The following GNA12 variants were observed in gnomAD, a reference collection of about 807,000 sequenced individuals.
GNA12 encodes guanine nucleotide-binding protein subunit alpha-12.
A neutral mutation model predicts 26.0 loss-of-function variants in GNA12; 9 were observed. The ratio of observed to expected loss-of-function variants is 0.35; its 90% CI spans 0.21 to 0.60. The LOEUF (loss-of-function observed/expected upper bound fraction) is 0.60. Among genes scored for constraint, GNA12 ranks in the 20% least tolerant of loss-of-function variants. The pLI is 0.78. For missense variants in GNA12, 405 were observed against 525.8 expected (o/e 0.77, Z 2.25); for synonymous variants, 264 against 219.6 (o/e 1.20, Z -1.79).
At chr7:2,814,152 G>A (rs564711768) in intron 1 of GNA12, among the ~76,000 whole-genome samples, 1 of 152,256 alleles carries the variant, frequency 6.6e-6, no homozygotes, top group East Asian at 1.9e-4. Context: ...TTGCCACACA[G>A]AACATGGGAC....
intron 2 of GNA12, among the ~76,000 whole-genome samples, chr7:2,776,312 A>G (rs1403501002): frequency 6.6e-6 from 1 of 152,226 alleles, no homozygotes; most frequent in African/African-American, 2.4e-5. Flanking sequence ...GCCAGTGCTC[A>G]GAGTGCTATA....
chr7:2,789,634 G>A (rs1174461104), intron 2 of GNA12, among the ~76,000 whole-genome samples: 3 of 152,136 alleles, frequency 2.0e-5, no homozygotes, highest in Non-Finnish European at 4.4e-5. Flanking sequence ...AGACCGGGTG[G>A]CAACATCCCA....
intron 2 of GNA12, among the ~76,000 whole-genome samples, chr7:2,750,318 C>T (rs772275562): frequency 2.0e-5 from 3 of 152,192 alleles, no homozygotes; most frequent in Non-Finnish European, 4.4e-5. Flanking sequence ...TGCAGAGAAT[C>T]GCAGTTTACC....
intron 2 of GNA12, among the ~76,000 whole-genome samples, chr7:2,773,606 G>A (rs917399872): frequency 1.3e-5 from 2 of 152,144 alleles, no homozygotes; most frequent in African/African-American, 4.8e-5. Context: ...ACCTCTACAC[G>A]GCCACCAGAA....
At chr7:2,832,996 T>C (rs1372492412) in intron 1 of GNA12, among the ~76,000 whole-genome samples, 1 of 152,230 alleles carries the variant, frequency 6.6e-6, no homozygotes, top group Non-Finnish European at 1.5e-5. Flanking sequence ...TTTTCCATTC[T>C]GCAAAACCTG....
intron 2 of GNA12, among the ~76,000 whole-genome samples, chr7:2,784,617 CT>C (rs763440444): frequency 1.6e-4 from 24 of 152,206 alleles, no homozygotes; most frequent in Admixed American, 1.2e-3. Context: ...CACTCCCAAC[CT>C]AGCTGACAAA....
chr7:2,780,048 G>A (rs6963626), intron 2 of GNA12, among the ~76,000 whole-genome samples: 1,401 of 84,530 alleles, frequency 0.017, 71 homozygotes, highest in African/African-American at 0.075. Context: ...ACATTTCTGT[G>A]TACATATATA....
chr7:2,790,450 T>C (rs138088990), intron 2 of GNA12, among the ~76,000 whole-genome samples: 30 of 152,324 alleles, frequency 2.0e-4, no homozygotes, highest in Non-Finnish European at 4.0e-4. Flanking sequence ...ATAACAATTA[T>C]TTGCTTGCAT....
At chr7:2,799,705 A>G (rs1286513714) in intron 1 of GNA12, among the ~76,000 whole-genome samples, 1 of 152,246 alleles carries the variant, frequency 6.6e-6, no homozygotes, top group Non-Finnish European at 1.5e-5. Context: ...TGGGCAAGAC[A>G]TGATGAGATA....
At chr7:2,800,815 A>G (rs1206288349) in intron 1 of GNA12, among the ~76,000 whole-genome samples, 1 of 151,930 alleles carries the variant, frequency 6.6e-6, no homozygotes, top group African/African-American at 2.4e-5. Flanking sequence ...TAAACTCTCC[A>G]CTTTCCTTCC....
intron 1 of GNA12, among the ~76,000 whole-genome samples, chr7:2,827,925 T>G (rs900324656): frequency 2.6e-5 from 4 of 151,898 alleles, no homozygotes; most frequent in African/African-American, 9.7e-5. Context: ...TATTTAAAAT[T>G]TTTTTTAATT....
At chr7:2,832,745 C>T (rs1407141640) in intron 1 of GNA12, among the ~76,000 whole-genome samples, 1 of 152,080 alleles carries the variant, frequency 6.6e-6, no homozygotes, top group Non-Finnish European at 1.5e-5. Context: ...AGAGAGGTGC[C>T]GTCTACTTGG....
At chr7:2,835,580 G>A (rs1042773385) in intron 1 of GNA12, 1 of 558,784 alleles carries the variant, frequency 1.8e-6, no homozygotes, top group Non-Finnish European at 3.3e-6. Flanking sequence ...GCGCGCTTGG[G>A]GGCAAAGTCC....
chr7:2,780,046 G>GTATA (rs1338485354), intron 2 of GNA12, among the ~76,000 whole-genome samples: 4,834 of 85,314 alleles, frequency 0.057, 288 homozygotes, highest in Admixed American at 0.098. Context: ...ACACATTTCT[G>GTATA]TGTACATATA....
intron 2 of GNA12, among the ~76,000 whole-genome samples, chr7:2,755,632 A>G (rs1223447755): frequency 2.6e-5 from 4 of 152,232 alleles, no homozygotes; most frequent in Non-Finnish European, 5.9e-5. Context: ...TCATTAGTCT[A>G]TGACTTTTCT....
chr7:2,837,399 A>G (rs1287982780), intron 1 of GNA12, among the ~76,000 whole-genome samples: 1 of 152,158 alleles, frequency 6.6e-6, no homozygotes, highest in Non-Finnish European at 1.5e-5. Context: ...GAAGGAGATG[A>G]GAGAGAGGGA....
At chr7:2,832,229 G>A (rs755606002) in intron 1 of GNA12, among the ~76,000 whole-genome samples, 16 of 152,132 alleles carry the variant, frequency 1.1e-4, no homozygotes, top group Non-Finnish European at 2.1e-4. Flanking sequence ...GTGATGTTCC[G>A]GCTCATGCCC....
In GNA12 at chr7:2,806,922, C is replaced by G. The variant is rs181513548; in HGVS notation, c.310-11779G>C. On this transcript the variant is annotated intron_variant, in intron 1 of 3. Coordinates refer to ENST00000275364, the MANE Select transcript of GNA12 (RefSeq NM_007353.3). ...AATTCCTAGATGTTGAATTATAAAA[C>G]TGCTGGGTCAAAAAAGTATACACAC... Among the ~76,000 whole-genome samples, 2 of 152,222 alleles carry G rather than the reference C, an allele frequency of 1.3e-5. 1 individual carries two copies. The highest frequency in any genetic ancestry group is 2.9e-5 in the Non-Finnish European group (2 of 68,012).
chr7:2,776,897 C>CT (rs562326037), intron 2 of GNA12, among the ~76,000 whole-genome samples: 43 of 152,282 alleles, frequency 2.8e-4, no homozygotes, highest in African/African-American at 9.6e-4. Context: ...CTGCAGTGAG[C>CT]TGTGACTGTG....
Sources: gnomAD v4.1 joint callset for allele counts (sites outside exome capture counted in the v4.1 genomes callset) on GRCh38, gnomAD v4.1.1 for gene constraint, MANE v1.5 for transcripts, NCBI Gene and HGNC (gene_info 2026-07-23, HGNC 2026-07-21) for gene names.